The following HIF1A variants were observed in gnomAD, a reference collection of about 807,000 sequenced individuals.
The protein encoded by HIF1A is hypoxia-inducible factor 1-alpha.
Under a neutral mutation model 92.7 loss-of-function variants are expected in HIF1A, and 24 were observed. The ratio of observed to expected loss-of-function variants is 0.26; its 90% confidence interval spans 0.19 to 0.36. The LOEUF is 0.36. HIF1A is among the 10% of genes least tolerant of loss of function. The pLI is 1.00. For synonymous variants in HIF1A, 319 were observed against 338.7 expected, an observed-to-expected ratio of 0.94 and a Z score of 0.64; for missense variants, 799 against 998.5, an observed-to-expected ratio of 0.80 and a Z score of 2.69.
chr14:61,703,032 T>C (rs776071992), intron 1 of HIF1A, among the ~76,000 whole-genome samples: 2 of 152,198 alleles, frequency 1.3e-5, no homozygotes, highest in African/African-American at 2.4e-5. Flanking sequence ...CTTAATACTC[T>C]CCAGATTTCA....
intron 3 of HIF1A, 27 bp from the exon 4 acceptor site, chr14:61,721,712 C>A (rs753594213): frequency 6.2e-7 from 1 of 1,609,328 alleles, no homozygotes; most frequent in Non-Finnish European, 8.5e-7. Flanking sequence ...TATGATCTAG[C>A]CCTAATTTTT....
chr14:61,701,289 A>G (rs559042384), intron 1 of HIF1A, among the ~76,000 whole-genome samples: 6 of 152,360 alleles, frequency 3.9e-5, no homozygotes, highest in African/African-American at 1.4e-4. Flanking sequence ...TGATTTTGAA[A>G]ATTTATTATC....
rs1015966865 is a variant in HIF1A, at chr14:61,697,631, C to T, written c.35+1792C>T. The stretch of plus-strand genomic sequence containing the variant: ...CTTTCAAAATTTTCTCATTTGAAAA[C>T]TTGGCAACCTTGGATTGGATGGATT... On this transcript the variant is annotated intron_variant, in intron 1 of 14. Coordinates refer to ENST00000337138, the MANE Select transcript of HIF1A (RefSeq NM_001530.4). 5 of 1,113,464 alleles carry T rather than the reference C, an allele frequency of 4.5e-6. No homozygotes were observed. In the African/African-American group the frequency reaches 6.5e-5, roughly 14 times the overall value. The allele number at this position is 1,113,464 out of a possible 1,614,324, so 69.0% of individuals were successfully genotyped here.
At position 61,740,894 on chromosome 14, in the gene HIF1A, C is replaced by T; in HGVS notation, c.1799C>T (p.Thr600Ile). 1.2e-6 allele frequency: 2 copies of T among 1,614,192 alleles called. No homozygotes were observed. The highest frequency in any genetic ancestry group is 1.3e-5 in the African/African-American group (1 of 75,052). ...AGCGCAAGTCCTCAAAGCACAGTTA[C>T]AGTATTCCAGCAGACTCAAATACAA... ...PESASPQSTV[T>I]VFQQTQIQEP... Residue 600 changes from threonine (T) to isoleucine (I), a missense_variant, in exon 12 of 15, where the codon ACA becomes ATA. Coordinates refer to ENST00000337138, the MANE Select transcript of HIF1A (RefSeq NM_001530.4).
intron 1 of HIF1A, among the ~76,000 whole-genome samples, chr14:61,703,753 T>C (rs1445390091): frequency 6.6e-6 from 1 of 152,214 alleles, no homozygotes; most frequent in Non-Finnish European, 1.5e-5. Context: ...ATATGTCTTA[T>C]TGTAGCATAT....
At position 61,695,736 on chromosome 14, in the gene HIF1A, A is replaced by C; in HGVS notation, c.-69A>C. 1 of 1,518,128 alleles carries C rather than the reference A, an allele frequency of 6.6e-7. No individual in the cohort carries two copies. The highest frequency in any genetic ancestry group is 8.9e-7 in the Non-Finnish European group (1 of 1,117,494). 94.0% of individuals were successfully genotyped at this position (1,518,128 alleles called of 1,614,324 possible). ...CCTTCTCTTCTCCGCGTGTGGAGGG[A>C]GCCAGCGCTTAGGCCGGAGCGAGCC... is the stretch of plus-strand genomic sequence containing the variant. On this transcript the variant is annotated 5_prime_UTR_variant, in exon 1 of 15. Transcript: ENST00000337138.
At position 61,720,490 on chromosome 14, in the gene HIF1A, T is replaced by C. The variant is rs2044413984; in HGVS notation, c.144T>C (p.His48=). The C allele has an allele frequency of 6.2e-7, 1 of 1,613,610 alleles. No homozygotes were observed. The highest frequency in any genetic ancestry group is 8.5e-7 in the Non-Finnish European group (1 of 1,179,724). Residue 48 remains histidine, a synonymous_variant, in exon 2 of 15, where the codon CAT becomes CAC. Coordinates refer to ENST00000337138, the MANE Select transcript of HIF1A (RefSeq NM_001530.4). ...TTGCTCATCAGTTGCCACTTCCACA[T>C]AATGTGAGTTCGCATCTTGATAAGG... ...YELAHQLPLP[H]NVSSHLDKAS...
intron 4 of HIF1A, among the ~76,000 whole-genome samples, chr14:61,722,720 C>T (rs965500853): frequency 3.3e-5 from 5 of 152,174 alleles, no homozygotes; most frequent in South Asian, 4.1e-4. Context: ...CTCAATAATT[C>T]GAGACCGTGT....
intron 12 of HIF1A, among the ~76,000 whole-genome samples, chr14:61,742,712 C>G (rs1289735888): frequency 6.6e-6 from 1 of 151,504 alleles, no homozygotes; most frequent in East Asian, 1.9e-4. Context: ...ATGGTGAAAC[C>G]CGGTCTACTA....
intron 1 of HIF1A, among the ~76,000 whole-genome samples, chr14:61,709,009 T>C (rs983156642): frequency 6.6e-6 from 1 of 152,166 alleles, no homozygotes; most frequent in Non-Finnish European, 1.5e-5. Context: ...TTGATTCTCC[T>C]GCCTCAGCCT....
chr14:61,697,458 T>C (rs959502860), intron 1 of HIF1A, among the ~76,000 whole-genome samples: 2 of 152,182 alleles, frequency 1.3e-5, no homozygotes, highest in Admixed American at 1.3e-4. Flanking sequence ...TATGTACCAC[T>C]TTTTTTATAT....
intron 8 of HIF1A, among the ~76,000 whole-genome samples, chr14:61,736,133 C>A (rs951473909): frequency 6.6e-6 from 1 of 151,976 alleles, no homozygotes; most frequent in South Asian, 2.1e-4. Flanking sequence ...TGTGCACCAC[C>A]ACACCGGGCT....
chr14:61,697,757 A>T (rs1454318275), intron 1 of HIF1A: 43 of 1,417,664 alleles, frequency 3.0e-5, no homozygotes, highest in Non-Finnish European at 3.8e-5. Flanking sequence ...TTTATAATAG[A>T]TGACCTTTTC....
intron 1 of HIF1A, among the ~76,000 whole-genome samples, chr14:61,696,695 A>T (rs1053696144): frequency 1.3e-5 from 2 of 152,192 alleles, no homozygotes; most frequent in Non-Finnish European, 2.9e-5. Context: ...GGGGCTGGTT[A>T]AATTTAGGCA....
At chr14:61,744,837 C>A in intron 13 of HIF1A, 24 bp downstream of exon 13, 2 of 1,087,608 alleles carry the variant, frequency 1.8e-6, no homozygotes, top group Admixed American at 1.8e-5. Context: ...GTAGGTTTTG[C>A]TTTTCTAGCT....
At chr14:61,700,022 C>T (rs1335562059) in intron 1 of HIF1A, among the ~76,000 whole-genome samples, 5 of 152,058 alleles carry the variant, frequency 3.3e-5, no homozygotes, top group Non-Finnish European at 5.9e-5. Flanking sequence ...ATTTGCCAGA[C>T]ATGATCCCTT....
rs761784618 is a variant in HIF1A at position 61,727,497 on chromosome 14, T to G, written c.615T>G (p.Ser205Arg). The change falls in exon 6 of 15, where the codon AGT becomes AGG. Residue 205 changes from serine to arginine, a missense_variant. By Grantham distance (110) the Ser-to-Arg change is moderately radical (BLOSUM62 -1). This residue lies in a region of HIF1A where 516 missense variants were observed against 721.0 expected (regional missense o/e 0.72). Transcript: ENST00000337138. ...ACATTCACGTATATGATACCAACAGTAACCAACCTCAGTGTGGGTATAAGA... is the reference window on the plus strand; with the variant it reads ...ACATTCACGTATATGATACCAACAGGAACCAACCTCAGTGTGGGTATAAGA... ...TGHIHVYDTN[S>R]NQPQCGYKKP... 1 of 1,613,970 alleles carries G rather than the reference T, an allele frequency of 6.2e-7. No homozygotes were observed. Among genetic ancestry groups the G allele is most frequent in the South Asian group, 1.1e-5 (1 of 91,076 alleles).
At chr14:61,720,166 T>C (rs1418399732) in intron 1 of HIF1A, among the ~76,000 whole-genome samples, 1 of 152,200 alleles carries the variant, frequency 6.6e-6, no homozygotes, top group Non-Finnish European at 1.5e-5. Flanking sequence ...TTTTGGACTT[T>C]TTGTGAGAGT....
chr14:61,720,251 C>T, intron 1 of HIF1A, 131 bp from the exon 2 acceptor site: 1 of 617,422 alleles, frequency 1.6e-6, no homozygotes, highest in Non-Finnish European at 2.7e-6. Context: ...AGACAAATCT[C>T]CATGTAACTT....
Sources: gnomAD v4.1 joint callset for allele counts (sites outside exome capture counted in the v4.1 genomes callset) on GRCh38, gnomAD v4.1.1 for gene constraint, gnomAD v4.1.1 regional missense constraint, MANE v1.5 for transcripts, NCBI Gene and HGNC (gene_info 2026-07-23, HGNC 2026-07-21) for gene names.